MAP6: variants seen among roughly 807,000 people sequenced by gnomAD.
MAP6 encodes microtubule-associated protein 6.
MAP6 carries 26 observed loss-of-function variants against 42.4 expected under a neutral mutation model. The observed-to-expected ratio is 0.61, with a 90% CI of 0.45 to 0.85. The LOEUF is 0.85. Among genes scored for constraint, MAP6 ranks in the 40% least tolerant of loss-of-function variants. The pLI, the probability that MAP6 is intolerant of heterozygous loss-of-function variation, is 0.00. For missense variants in MAP6, 966 were observed against 1,099.0 expected (o/e 0.88, Z 1.71); for synonymous variants, 418 against 443.8 (o/e 0.94, Z 0.73).
rs149150839 is a variant in MAP6 at position 75,621,947 on chromosome 11, C to T, written c.906-13625G>A. Among the ~76,000 whole-genome samples, 11 of 151,956 alleles carry T rather than the reference C, an allele frequency of 7.2e-5. No homozygotes were observed. The East Asian group carries it at 1.2e-3, about 16-fold the overall frequency. ...CTGAGGCAGGAGAATCGCTTGAACC[C>T]GGGAAGTGGAGGTTGTAGTGATCTG... is the stretch of plus-strand genomic sequence containing the variant. On this transcript the variant is annotated intron_variant, in intron 1 of 3. Transcript: ENST00000304771.
chr11:75,587,892 G>T lies in MAP6; in HGVS notation c.1609C>A (p.Pro537Thr), dbSNP rs1244384232. Residue 537 changes from proline (P) to threonine (T), a missense_variant, in exon 4 of 4, where the codon CCA (proline) becomes ACA (threonine). Physicochemically the swap from Pro to Thr is conservative, Grantham distance 38. Coordinates refer to ENST00000304771, the MANE Select transcript of MAP6 (RefSeq NM_033063.2). ...KDQGPSVPVP[P>T]KNQSPMVPAK... is the part of the protein sequence containing the mutation. ...GGAACCATAGGACTTTGATTCTTTGGAGGAACTGGGACCGAGGGACCTTGG... is the reference window on the plus strand; with the variant it reads ...GGAACCATAGGACTTTGATTCTTTGTAGGAACTGGGACCGAGGGACCTTGG... The T allele has an allele frequency of 6.2e-7, 1 of 1,614,098 alleles. No individual in the cohort carries two copies. Among genetic ancestry groups the T allele is most frequent in the Admixed American group, 1.7e-5 (1 of 60,016 alleles).
At chr11:75,606,135 G>T in intron 2 of MAP6, 131 bp from the exon 3 acceptor site, 3 of 1,044,458 alleles carry the variant, frequency 2.9e-6, no homozygotes, top group Non-Finnish European at 4.1e-6. Context: ...GGAGCACAGT[G>T]CATAAGGTGT....
intron 3 of MAP6, among the ~76,000 whole-genome samples, chr11:75,602,112 A>G (rs1242154834): frequency 6.6e-6 from 1 of 152,138 alleles, no homozygotes; most frequent in African/African-American, 2.4e-5. Context: ...TACCAGAAGG[A>G]TAACAAAGTG....
intron 3 of MAP6, chr11:75,603,833 G>T (rs1942709542): frequency 4.1e-6 from 4 of 985,288 alleles, no homozygotes; most frequent in South Asian, 4.7e-5. Context: ...TATTTGATCT[G>T]CAAAAATAAA....
intron 1 of MAP6, among the ~76,000 whole-genome samples, chr11:75,624,395 T>G (rs1295634654): frequency 6.6e-6 from 1 of 151,850 alleles, no homozygotes. Flanking sequence ...GCCAGAGGGG[T>G]GGGCGGCACT....
intron 3 of MAP6, 108 bp downstream of exon 3, chr11:75,605,700 A>G: frequency 6.5e-7 from 1 of 1,529,494 alleles, no homozygotes; most frequent in Non-Finnish European, 8.7e-7. Flanking sequence ...GGCAGATGAG[A>G]AGCCTCTAAT....
chr11:75,667,743 G>A lies in MAP6; in HGVS notation c.627C>T (p.Ala209=), dbSNP rs1333918575. Reference sequence around the variant, plus strand: ...CCGCCTCCTGCTCCCGGGCCTCAGCGGCGGCCTGCACTGGCCAGCGCTCCT... The same window carrying A: ...CCGCCTCCTGCTCCCGGGCCTCAGCAGCGGCCTGCACTGGCCAGCGCTCCT... ...QSQERWPVQA[A]AEAREQEAAP... is the part of the protein sequence containing the mutation. The change falls in exon 1 of 4, where the codon GCC becomes GCT. Residue 209 remains alanine (A), a synonymous_variant. Transcript: ENST00000304771. This position sits in a 1 kb window ranked among gnomAD's most constrained non-coding sequence, Gnocchi z 5.6. The A allele has an allele frequency of 3.1e-6, 4 of 1,303,734 alleles. No individual in the cohort carries two copies. 80.8% of individuals were successfully genotyped at this position (1,303,734 alleles called of 1,614,324 possible). A position where few individuals can be genotyped will look rare whatever the true frequency, so the allele number is the denominator to read the frequency against.
intron 1 of MAP6, among the ~76,000 whole-genome samples, chr11:75,610,234 T>C (rs1279098289): frequency 6.6e-6 from 1 of 152,244 alleles, no homozygotes; most frequent in Non-Finnish European, 1.5e-5. Flanking sequence ...TATTCTGTTA[T>C]AGGCAACAGA....
In MAP6 at chr11:75,639,557, C is replaced by T. The variant is rs577381812; in HGVS notation, c.905+27908G>A. On this transcript the variant is annotated intron_variant, in intron 1 of 3. Coordinates refer to ENST00000304771, the MANE Select transcript of MAP6 (RefSeq NM_033063.2). ...GCACTAATTTTTGACCAGGCTGATG[C>T]GGGGTGCAAACACAGGAGACATCTC... Among the ~76,000 whole-genome samples, 5 of 152,286 alleles carry T rather than the reference C, an allele frequency of 3.3e-5. No individual in the cohort carries two copies. In the East Asian group the frequency reaches 7.7e-4, roughly 23 times the overall value.
At chr11:75,591,471 T>C (rs1942475563) in intron 3 of MAP6, among the ~76,000 whole-genome samples, 1 of 152,186 alleles carries the variant, frequency 6.6e-6, no homozygotes, top group South Asian at 2.1e-4. Flanking sequence ...CTCCCATCTG[T>C]AAAGTGCCCC....
intron 1 of MAP6, among the ~76,000 whole-genome samples, chr11:75,658,234 T>G (rs1943784641): frequency 6.6e-6 from 1 of 152,216 alleles, no homozygotes; most frequent in Non-Finnish European, 1.5e-5. Flanking sequence ...TAGATAATGC[T>G]AAAGAGTTTT....
intron 1 of MAP6, among the ~76,000 whole-genome samples, chr11:75,615,989 G>A (rs1011847357): frequency 4.6e-5 from 7 of 151,942 alleles, no homozygotes; most frequent in African/African-American, 1.5e-4. Context: ...TTTGGCCCTG[G>A]AAAGTGTTGT....
chr11:75,623,132 T>C (rs543308581), intron 1 of MAP6, among the ~76,000 whole-genome samples: 2 of 152,260 alleles, frequency 1.3e-5, no homozygotes, highest in East Asian at 3.9e-4. Context: ...ACAAAATGAG[T>C]GTATCCATAT....
intron 3 of MAP6, among the ~76,000 whole-genome samples, chr11:75,595,234 T>C (rs889682376): frequency 3.3e-5 from 5 of 152,204 alleles, no homozygotes; most frequent in African/African-American, 1.2e-4. Flanking sequence ...TGCATTGCAG[T>C]CAGCTCCACT....
intron 1 of MAP6, among the ~76,000 whole-genome samples, chr11:75,660,159 G>C (rs1223495996): frequency 6.6e-6 from 1 of 152,112 alleles, no homozygotes; most frequent in Non-Finnish European, 1.5e-5. Context: ...CCCTTCTGCT[G>C]TCAGTACTCC....
chr11:75,619,145 G>A (rs1943059865), intron 1 of MAP6, among the ~76,000 whole-genome samples: 1 of 152,104 alleles, frequency 6.6e-6, no homozygotes, highest in South Asian at 2.1e-4. Context: ...GTGTGTGAGT[G>A]AGGCATGCAT....
At chr11:75,612,207 C>T (rs912864913) in intron 1 of MAP6, among the ~76,000 whole-genome samples, 5 of 152,256 alleles carry the variant, frequency 3.3e-5, no homozygotes, top group African/African-American at 1.2e-4. Flanking sequence ...GTCTCCCCTT[C>T]CTGTGCAACT....
intron 3 of MAP6, among the ~76,000 whole-genome samples, chr11:75,601,882 C>T (rs1054181235): frequency 1.3e-5 from 2 of 149,884 alleles, no homozygotes; most frequent in Admixed American, 6.7e-5. Flanking sequence ...TGGCCACCCC[C>T]GGCTCTGTTC....
At chr11:75,649,607 C>T (rs1177656066) in intron 1 of MAP6, among the ~76,000 whole-genome samples, 3 of 152,048 alleles carry the variant, frequency 2.0e-5, no homozygotes, top group African/African-American at 4.8e-5. Flanking sequence ...GGTGCAATCT[C>T]GGCTCACTGC....
Sources: gnomAD v4.1 joint callset for allele counts (sites outside exome capture counted in the v4.1 genomes callset) on GRCh38, gnomAD v4.1.1 for gene constraint, Gnocchi (gnomAD v3.1) non-coding constraint, MANE v1.5 for transcripts, NCBI Gene and HGNC (gene_info 2026-07-23, HGNC 2026-07-21) for gene names.